The following DLG2 variants were observed in gnomAD, a reference collection of about 807,000 sequenced individuals.
DLG2 encodes the protein discs large MAGUK scaffold protein 2, also known as disks large homolog 2.
In DLG2, 45 loss-of-function variants were observed where a neutral mutation model predicts 132.5. The ratio of observed to expected loss-of-function variants is 0.34; its 90% confidence interval spans 0.27 to 0.44. The LOEUF (loss-of-function observed/expected upper bound fraction) is 0.44. Among genes scored for constraint, DLG2 ranks in the 20% least tolerant of loss-of-function variants. DLG2 has a pLI of 1.00. For missense variants in DLG2, 1,045 were observed against 1,196.9 expected, an observed-to-expected ratio of 0.87 and a Z score of 1.87; for synonymous variants, 424 against 419.6, an observed-to-expected ratio of 1.01 and a Z score of -0.13.
chr11:85,246,691 A>G (rs1470680110), intron 4 of DLG2, among the ~76,000 whole-genome samples: 2 of 152,054 alleles, frequency 1.3e-5, no homozygotes, highest in African/African-American at 4.8e-5. Flanking sequence ...AGTTGTTAGT[A>G]TTTATTAGTA....
intron 12 of DLG2, among the ~76,000 whole-genome samples, chr11:83,977,318 A>G (rs2092358925): frequency 6.6e-6 from 1 of 152,000 alleles, no homozygotes; most frequent in African/African-American, 2.4e-5. Flanking sequence ...TGCTTTAACA[A>G]TCAGGGCTGC....
At chr11:84,844,050 CATAT>C (rs200537805) in intron 6 of DLG2, among the ~76,000 whole-genome samples, 4 of 111,966 alleles carry the variant, frequency 3.6e-5, no homozygotes, top group African/African-American at 1.4e-4. Flanking sequence ...TCTGTGTGTA[CATAT>C]ATATATATGT....
At chr11:84,118,002 C>T (rs1038714285) in intron 9 of DLG2, among the ~76,000 whole-genome samples, 3 of 151,892 alleles carry the variant, frequency 2.0e-5, no homozygotes, top group African/African-American at 7.3e-5. Context: ...ACTACAGGCA[C>T]GTGCCACCAC....
intron 6 of DLG2, among the ~76,000 whole-genome samples, chr11:84,704,323 T>C: frequency 6.6e-6 from 1 of 151,538 alleles, no homozygotes; most frequent in East Asian, 1.9e-4. Flanking sequence ...TGTAAAGTAT[T>C]TAAAAGAAGA....
chr11:84,648,526 C>T (rs2099677560), intron 6 of DLG2, among the ~76,000 whole-genome samples: 1 of 152,110 alleles, frequency 6.6e-6, no homozygotes, highest in Admixed American at 6.6e-5. Flanking sequence ...GTCTCCTCCG[C>T]ATCTCATGTT....
chr11:85,072,919 T>C (rs2154167892), intron 6 of DLG2, among the ~76,000 whole-genome samples: 1 of 151,910 alleles, frequency 6.6e-6, no homozygotes, highest in Admixed American at 6.6e-5. Flanking sequence ...AGGTCTCACA[T>C]CCCATCAGGC....
At chr11:85,375,106 T>TA (rs762892240) in intron 3 of DLG2, among the ~76,000 whole-genome samples, 2 of 152,082 alleles carry the variant, frequency 1.3e-5, no homozygotes, top group Non-Finnish European at 2.9e-5. Context: ...CTTTTTTTTT[T>TA]ATCCTGGAAC....
chr11:83,653,673 C>T (rs953163007), intron 18 of DLG2, among the ~76,000 whole-genome samples: 7 of 152,112 alleles, frequency 4.6e-5, no homozygotes, highest in South Asian at 2.1e-4. Context: ...ATAAAGTGAC[C>T]GCACATGTCC....
intron 18 of DLG2, among the ~76,000 whole-genome samples, chr11:83,766,385 G>T (rs1419986045): frequency 6.8e-6 from 1 of 148,036 alleles, no homozygotes; most frequent in Non-Finnish European, 1.5e-5. Context: ...GAGCCACCAT[G>T]CCTGGCCTGC....
rs568168518 is a variant in DLG2 at position 84,065,472 on chromosome 11, A to G, written c.750-5988T>C. Among the ~76,000 whole-genome samples, 12 of 152,320 alleles carry G rather than the reference A, an allele frequency of 7.9e-5. No individual in the cohort carries two copies. In the South Asian group the frequency reaches 1.2e-3, roughly 16 times the overall value. On this transcript the variant is annotated intron_variant, in intron 10 of 27. Coordinates refer to ENST00000376104, the MANE Select transcript of DLG2 (RefSeq NM_001142699.3). ...CAGCAAGCATATGAAAAAATGCTCA[A>G]CATTACTAATCATTAGAGAAATGCA... is the stretch of plus-strand genomic sequence containing the variant.
chr11:84,606,022 A>G (rs530452038), intron 6 of DLG2, among the ~76,000 whole-genome samples: 1 of 152,066 alleles, frequency 6.6e-6, no homozygotes, highest in Non-Finnish European at 1.5e-5. Flanking sequence ...CACTGATCAC[A>G]TTCTACTTTT....
At chr11:83,830,016 G>A (rs533393043) in intron 17 of DLG2, among the ~76,000 whole-genome samples, 87 of 152,106 alleles carry the variant, frequency 5.7e-4, no homozygotes, top group Admixed American at 9.2e-4. Context: ...CTGTCCTTGC[G>A]ATAGTTTGCT....
At chr11:84,422,972 A>G (rs1261858998) in intron 7 of DLG2, among the ~76,000 whole-genome samples, 1 of 152,176 alleles carries the variant, frequency 6.6e-6, no homozygotes, top group Non-Finnish European at 1.5e-5. Context: ...ATCTTATCAA[A>G]GTAGTAATGG....
At chr11:84,719,524 A>C (rs2061567632) in intron 6 of DLG2, among the ~76,000 whole-genome samples, 1 of 152,318 alleles carries the variant, frequency 6.6e-6, no homozygotes, top group Non-Finnish European at 1.5e-5. Context: ...TCAAACACCA[A>C]GTTCTATGCA....
intron 3 of DLG2, among the ~76,000 whole-genome samples, chr11:85,582,213 G>A (rs2078571082): frequency 1.3e-5 from 2 of 152,112 alleles, no homozygotes; most frequent in African/African-American, 2.4e-5. Context: ...TAGCTAACAG[G>A]CATGAAAATG....
At chr11:85,066,269 A>C (rs988610020) in intron 6 of DLG2, among the ~76,000 whole-genome samples, 2 of 151,600 alleles carry the variant, frequency 1.3e-5, no homozygotes, top group Admixed American at 1.3e-4. Flanking sequence ...AATCCTAAGG[A>C]GATCAAGAGC....
intron 4 of DLG2, among the ~76,000 whole-genome samples, chr11:85,195,815 C>A (rs1306862982): frequency 1.3e-5 from 2 of 151,986 alleles, no homozygotes; most frequent in African/African-American, 2.4e-5. Flanking sequence ...CCTGAGCCAC[C>A]GCGCCCGGCC....
At chr11:84,727,176 A>G (rs1052597539) in intron 6 of DLG2, among the ~76,000 whole-genome samples, 5 of 152,160 alleles carry the variant, frequency 3.3e-5, no homozygotes, top group African/African-American at 1.2e-4. Context: ...GCCCATGCCT[A>G]TGTCCTGAAT....
chr11:84,203,187 A>G (rs1179408055), intron 8 of DLG2, among the ~76,000 whole-genome samples: 1 of 152,232 alleles, frequency 6.6e-6, no homozygotes, highest in East Asian at 1.9e-4. Context: ...AGCACTGTTC[A>G]CAATAGCAAA....
Sources: allele counts gnomAD v4.1 joint callset (sites outside exome capture counted in the v4.1 genomes callset), GRCh38; gene constraint gnomAD v4.1.1; transcripts MANE v1.5; gene names NCBI Gene and HGNC (gene_info 2026-07-23, HGNC 2026-07-21).